The following GRXCR1 variants were observed in gnomAD, a reference collection of about 807,000 sequenced individuals.
GRXCR1 encodes the protein glutaredoxin domain-containing cysteine-rich protein 1.
A neutral mutation model predicts 27.3 loss-of-function variants in GRXCR1; 27 were observed. The observed-to-expected ratio is 0.99, with a 90% confidence interval of 0.73 to 1.37. The LOEUF (loss-of-function observed/expected upper bound fraction) is 1.37, where lower values mean the gene tolerates loss of function less well. GRXCR1 is among the 40% of genes most tolerant of loss of function. The probability of loss-of-function intolerance (pLI) is 0.00; values close to 1 mark genes in which losing one functional copy is unlikely to be tolerated. For missense variants in GRXCR1, 379 were observed against 354.4 expected, an observed-to-expected ratio of 1.07 and a Z score of -0.56; for synonymous variants, 122 against 131.1, an observed-to-expected ratio of 0.93 and a Z score of 0.47.
chr4:42,906,200 G>A (rs892347158), intron 1 of GRXCR1, among the ~76,000 whole-genome samples: 4 of 152,068 alleles, frequency 2.6e-5, no homozygotes, highest in African/African-American at 4.8e-5. Flanking sequence ...TTCATTAACA[G>A]CAGTAAAAGT....
chr4:43,022,563 A>G (rs1391719728), intron 3 of GRXCR1, among the ~76,000 whole-genome samples: 1 of 152,254 alleles, frequency 6.6e-6, no homozygotes, highest in Non-Finnish European at 1.5e-5. Flanking sequence ...CTACTGTTAT[A>G]GGAACTCTGC....
At chr4:42,976,026 G>T (rs9995894) in intron 2 of GRXCR1, among the ~76,000 whole-genome samples, 5,587 of 152,178 alleles carry the variant, frequency 0.037, 361 homozygotes, top group African/African-American at 0.13. Context: ...TCATTTCACA[G>T]ATTTAAATTG....
intron 1 of GRXCR1, among the ~76,000 whole-genome samples, chr4:42,901,018 G>A (rs1746448523): frequency 6.6e-6 from 1 of 152,160 alleles, no homozygotes; most frequent in Non-Finnish European, 1.5e-5. Flanking sequence ...TAGCAGAAGG[G>A]ATGCCCTCCA....
At chr4:42,927,772 T>C (rs886797219) in intron 1 of GRXCR1, among the ~76,000 whole-genome samples, 4 of 151,784 alleles carry the variant, frequency 2.6e-5, no homozygotes, top group Admixed American at 6.6e-5. Flanking sequence ...AGTAGAAATA[T>C]GGGAAGTAGG....
At chr4:42,896,653 T>C (rs1746352681) in intron 1 of GRXCR1, among the ~76,000 whole-genome samples, 1 of 152,158 alleles carries the variant, frequency 6.6e-6, no homozygotes, top group Non-Finnish European at 1.5e-5. Flanking sequence ...AATAGGCGTT[T>C]ACTAGAAGTT....
At chr4:42,944,110 A>G in intron 1 of GRXCR1, among the ~76,000 whole-genome samples, 1 of 152,138 alleles carries the variant, frequency 6.6e-6, no homozygotes, top group East Asian at 1.9e-4. Flanking sequence ...GAGAACATTT[A>G]TAAGGATACC....
intron 1 of GRXCR1, among the ~76,000 whole-genome samples, chr4:42,943,054 G>A (rs1051934966): frequency 6.6e-5 from 10 of 152,010 alleles, no homozygotes; most frequent in African/African-American, 9.7e-5. Context: ...TAAATGAATC[G>A]CATTATCAGT....
chr4:42,947,776 T>C (rs905648079), intron 1 of GRXCR1, among the ~76,000 whole-genome samples: 3 of 152,206 alleles, frequency 2.0e-5, no homozygotes, highest in Non-Finnish European at 4.4e-5. Flanking sequence ...GCAATCAATC[T>C]TGTTTTCAAA....
chr4:42,961,341 G>A (rs1454372816), intron 1 of GRXCR1, among the ~76,000 whole-genome samples: 1 of 151,894 alleles, frequency 6.6e-6, no homozygotes. Context: ...TTTGCAGTAT[G>A]TGCCAAATCC....
chr4:43,007,725 G>C (rs942375793), intron 2 of GRXCR1, among the ~76,000 whole-genome samples: 3 of 152,200 alleles, frequency 2.0e-5, no homozygotes, highest in Admixed American at 6.5e-5. Context: ...CTAGAATATT[G>C]ATTTGAGTAA....
intron 2 of GRXCR1, among the ~76,000 whole-genome samples, chr4:42,987,731 G>A (rs1025547722): frequency 9.9e-5 from 15 of 152,106 alleles, no homozygotes; most frequent in African/African-American, 3.4e-4. Context: ...GTTCAGTTCT[G>A]GGAAAGATCT....
intron 3 of GRXCR1, among the ~76,000 whole-genome samples, chr4:43,029,085 C>T (rs1235513997): frequency 6.6e-6 from 1 of 152,056 alleles, no homozygotes; most frequent in African/African-American, 2.4e-5. Context: ...TTGTAAGTAT[C>T]AATTAGATCC....
intron 1 of GRXCR1, among the ~76,000 whole-genome samples, chr4:42,922,697 C>A (rs770742877): frequency 2.6e-5 from 4 of 152,076 alleles, no homozygotes; most frequent in Non-Finnish European, 5.9e-5. Flanking sequence ...GATCCTGAGG[C>A]CTCCTTGTAA....
chr4:42,954,913 G>A (rs1361930300), intron 1 of GRXCR1, among the ~76,000 whole-genome samples: 1 of 152,182 alleles, frequency 6.6e-6, no homozygotes, highest in Non-Finnish European at 1.5e-5. Flanking sequence ...GATGTGATTT[G>A]AGAGCAAGGT....
intron 2 of GRXCR1, among the ~76,000 whole-genome samples, chr4:42,968,212 C>T (rs185494504): frequency 7.9e-5 from 12 of 152,190 alleles, no homozygotes; most frequent in African/African-American, 1.9e-4. Flanking sequence ...GCTTGGAAAA[C>T]GTGTCATGGC....
At chr4:42,916,258 G>T (rs1272775823) in intron 1 of GRXCR1, among the ~76,000 whole-genome samples, 1 of 152,080 alleles carries the variant, frequency 6.6e-6, no homozygotes, top group Non-Finnish European at 1.5e-5. Flanking sequence ...AGAGCAATTG[G>T]TCCAGACTGG....
intron 2 of GRXCR1, among the ~76,000 whole-genome samples, chr4:43,014,542 C>A (rs951398188): frequency 6.6e-6 from 1 of 152,224 alleles, no homozygotes; most frequent in Admixed American, 6.5e-5. Context: ...TGCTCCTGGT[C>A]CTCATCAGAG....
chr4:42,962,968 A>C lies in GRXCR1; in HGVS notation c.461A>C (p.Glu154Ala). The change falls in exon 2 of 4, where the codon GAA (glutamate) becomes GCA (alanine). Residue 154 changes from glutamate (E) to alanine (A), a missense_variant. Physicochemically the swap from Glu to Ala is moderately radical, Grantham distance 107 (BLOSUM62 -1). Coordinates refer to ENST00000399770, the MANE Select transcript of GRXCR1 (RefSeq NM_001080476.3). ...CTTCGTGTGGTCCGGACAACCTTTG[A>C]AAGATGTGAACTGGTTAGAAAGATT... is the stretch of plus-strand genomic sequence containing the variant. ...TCLRVVRTTF[E>A]RCELVRKIFQ... 6.2e-7 allele frequency: 1 copy of C among 1,612,918 alleles called. No homozygotes were observed. Among genetic ancestry groups the C allele is most frequent in the East Asian group, 2.2e-5 (1 of 44,834 alleles).
intron 1 of GRXCR1, among the ~76,000 whole-genome samples, chr4:42,943,760 A>G (rs1371596125): frequency 6.6e-6 from 1 of 152,042 alleles, no homozygotes; most frequent in Non-Finnish European, 1.5e-5. Flanking sequence ...GCCCTAGGTC[A>G]GTGGCTCTCA....
Sources: allele counts gnomAD v4.1 joint callset (sites outside exome capture counted in the v4.1 genomes callset), GRCh38; gene constraint gnomAD v4.1.1; transcripts MANE v1.5; gene names NCBI Gene and HGNC (gene_info 2026-07-23, HGNC 2026-07-21).